Variants in DIP2A observed in about 807,000 individuals in gnomAD.
The protein encoded by DIP2A is disco-interacting protein 2 homolog A.
Under a neutral mutation model 177.4 loss-of-function variants are expected in DIP2A, and 85 were observed. That is an observed-to-expected ratio of 0.48 (90% confidence interval 0.40 to 0.57). The LOEUF (loss-of-function observed/expected upper bound fraction) is 0.57, where lower values mean the gene tolerates loss of function less well. Among genes scored for constraint, DIP2A ranks in the 20% least tolerant of loss-of-function variants. DIP2A has a pLI of 0.00. For missense variants in DIP2A, 1,791 were observed against 2,100.2 expected, an observed-to-expected ratio of 0.85 and a Z score of 2.88; for synonymous variants, 886 against 881.8, an observed-to-expected ratio of 1.00 and a Z score of -0.08.
At chr21:46,582,615 C>T in the DIP2A span, among the ~76,000 whole-genome samples, 1 of 152,144 alleles carries the variant, frequency 6.6e-6, no homozygotes, top group Non-Finnish European at 1.5e-5. Context: ...CTGCTTTTCC[C>T]GACTCTCCAT....
intron 3 of DIP2A, among the ~76,000 whole-genome samples, chr21:46,492,168 G>A (rs894902026): frequency 5.3e-5 from 8 of 152,042 alleles, no homozygotes; most frequent in African/African-American, 1.7e-4. Context: ...GTTAATTTTA[G>A]TGTAAGTACA....
In DIP2A at chr21:46,504,508, C is replaced by G. The variant is rs113254675; in HGVS notation, c.784+19C>G. On this transcript the variant is annotated intron_variant, in intron 6 of 37. Transcript: ENST00000417564. ...GCAGATGGTGAGCCTGCCTCTCTTT[C>G]TCCTCGTGAAATAGCAGAACACAGG... is the stretch of plus-strand genomic sequence containing the variant. The G allele has an allele frequency of 2.4e-5, 38 of 1,590,198 alleles. 2 individuals are homozygous for G. The African/African-American group carries it at 2.7e-4, about 11-fold the overall frequency.
chr21:46,492,678 A>G (rs2057083768), intron 3 of DIP2A, among the ~76,000 whole-genome samples: 1 of 152,128 alleles, frequency 6.6e-6, no homozygotes, highest in Non-Finnish European at 1.5e-5. Flanking sequence ...AAGAAGAGGC[A>G]TTGGCCAGGC....
Position 46,550,646 on chromosome 21 carries a change from A to T in DIP2A, c.2741A>T (p.Lys914Ile). ...PLGGIHISET[K>I]QRFLEGTLHP... ...GGAGGGATTCACATTTCTGAAACCA[A>T]ACAGCGCTTTCTGGAAGGGACGCTG... is the stretch of plus-strand genomic sequence containing the variant. The change falls in exon 23 of 38, where the codon AAA becomes ATA. Residue 914 changes from lysine (K) to isoleucine (I), a missense_variant. By Grantham distance (102) the Lys-to-Ile change is moderately radical. Transcript: ENST00000417564. The T allele has an allele frequency of 6.2e-7, 1 of 1,613,938 alleles. No homozygotes were observed. Among genetic ancestry groups the T allele is most frequent in the Non-Finnish European group, 8.5e-7 (1 of 1,179,884 alleles).
chr21:46,522,098 T>C (rs2058849845), intron 8 of DIP2A, among the ~76,000 whole-genome samples: 1 of 152,236 alleles, frequency 6.6e-6, no homozygotes, highest in Non-Finnish European at 1.5e-5. Flanking sequence ...AATGCCTAAA[T>C]TTTTGAAGAT....
At chr21:46,558,725 A>C in intron 32 of DIP2A, 1 of 299,858 alleles carries the variant, frequency 3.3e-6, no homozygotes. Context: ...GCAATATTAA[A>C]TTGAAACATT....
At chr21:46,536,471 G>A (rs2059575499) in intron 13 of DIP2A, among the ~76,000 whole-genome samples, 2 of 152,236 alleles carry the variant, frequency 1.3e-5, no homozygotes, top group African/African-American at 4.8e-5. Flanking sequence ...CTTACAGAGG[G>A]GAGATGCCGG....
At chr21:46,466,342 C>CT (rs71187318) in intron 1 of DIP2A, among the ~76,000 whole-genome samples, 2,409 of 89,490 alleles carry the variant, frequency 0.027, 39 homozygotes, top group Non-Finnish European at 0.035. Flanking sequence ...TACATTATAA[C>CT]TTTTTTTTTT....
intron 3 of DIP2A, among the ~76,000 whole-genome samples, chr21:46,492,566 A>AACCC (rs1203433159): frequency 1.3e-5 from 2 of 152,152 alleles, no homozygotes; most frequent in African/African-American, 4.8e-5. Flanking sequence ...TTGAAGCCCT[A>AACCC]ACCCCGGTGG....
intron 3 of DIP2A, among the ~76,000 whole-genome samples, chr21:46,495,179 T>TTTCTCTTCTC (rs373831760): frequency 0.024 from 1,729 of 72,406 alleles, 134 homozygotes; most frequent in East Asian, 0.05. Flanking sequence ...TCTTTCGCTT[T>TTTCTCTTCTC]TTCTCTTCTC....
downstream of DIP2A, among the ~76,000 whole-genome samples, chr21:46,573,645 CAAAAAAAAAAAAAAAAAA>C (rs201994694): frequency 7.2e-4 from 38 of 52,982 alleles, no homozygotes; most frequent in African/African-American, 1.4e-3. Flanking sequence ...CCCTCTCTCA[CAAAAAAAAAAAAAAAAAA>C]AAAAAAAAAA....
At chr21:46,468,764 G>A (rs2055086603) in intron 1 of DIP2A, among the ~76,000 whole-genome samples, 2 of 152,118 alleles carry the variant, frequency 1.3e-5, no homozygotes, top group Non-Finnish European at 2.9e-5. Flanking sequence ...TGTTTATGGT[G>A]ATGGTTTCAC....
At chr21:46,470,858 G>C (rs1336407910) in intron 1 of DIP2A, among the ~76,000 whole-genome samples, 2 of 151,166 alleles carry the variant, frequency 1.3e-5, no homozygotes, top group African/African-American at 2.4e-5. Flanking sequence ...GAACCCAGGA[G>C]GCGGAGGTTG....
chr21:46,531,961 T>C lies in DIP2A; in HGVS notation c.1195-166T>C, dbSNP rs528965068. On this transcript the variant is annotated intron_variant, in intron 9 of 37. Coordinates refer to ENST00000417564, the MANE Select transcript of DIP2A (RefSeq NM_015151.4). ...GTGTTCTCAAAGGCCCTGAGTCAAC[T>C]GTCTCTACTCAGTTAAATACTATTT... Among the ~76,000 whole-genome samples the C allele has an allele frequency of 7.9e-5, 12 of 152,368 alleles. No homozygotes were observed. In the South Asian group the frequency reaches 2.1e-3, roughly 26 times the overall value.
rs115847453 is a variant in DIP2A, at chr21:46,486,683, G to C, written c.163+1855G>C. ...ATGCACATTGTAACCACAGCCATCT[G>C]TCCTGTTGGAGAGGATTCAATCAGT... On this transcript the variant is annotated intron_variant, in intron 2 of 37. Coordinates refer to ENST00000417564, the MANE Select transcript of DIP2A (RefSeq NM_015151.4). Among the ~76,000 whole-genome samples, 730 of 152,338 alleles carry C rather than the reference G, an allele frequency of 4.8e-3. 6 individuals carry two copies. Among genetic ancestry groups the C allele is most frequent in the African/African-American group, 0.016 (673 of 41,580 alleles).
chr21:46,480,518 C>A (rs112300157), intron 1 of DIP2A, among the ~76,000 whole-genome samples: 19 of 152,326 alleles, frequency 1.2e-4, no homozygotes, highest in African/African-American at 4.6e-4. Flanking sequence ...TCTGTGTCGG[C>A]ACCTCCAGTA....
At chr21:46,518,730 G>A (rs543168478) in intron 8 of DIP2A, among the ~76,000 whole-genome samples, 3 of 152,270 alleles carry the variant, frequency 2.0e-5, no homozygotes, top group East Asian at 1.9e-4. Context: ...GGTGGCATGC[G>A]CCTATAGTCC....
intron 23 of DIP2A, 49 bp downstream of exon 23, chr21:46,550,793 A>C (rs1016049104): frequency 1.9e-6 from 3 of 1,588,282 alleles, no homozygotes; most frequent in Admixed American, 1.7e-5. Flanking sequence ...CAGTGGTAAC[A>C]GCGGTGCTTG....
chr21:46,550,790 A>G, intron 23 of DIP2A, 46 bp downstream of exon 23: 2 of 1,591,820 alleles, frequency 1.3e-6, no homozygotes, highest in Non-Finnish European at 1.7e-6. Context: ...TAACAGTGGT[A>G]ACAGCGGTGC....
Sources: gnomAD v4.1 joint callset for allele counts (sites outside exome capture counted in the v4.1 genomes callset) on GRCh38, gnomAD v4.1.1 for gene constraint, MANE v1.5 for transcripts, NCBI Gene and HGNC (gene_info 2026-07-23, HGNC 2026-07-21) for gene names.